Variants in ANXA5 observed in about 807,000 individuals in gnomAD.
ANXA5 encodes the protein annexin A5.
ANXA5 carries 40 observed loss-of-function variants against 48.1 expected under a neutral mutation model. That is an observed-to-expected ratio of 0.83 (90% confidence interval 0.65 to 1.08). ANXA5 has a LOEUF of 1.08. Among genes scored for constraint, ANXA5 ranks in the 50% least tolerant of loss-of-function variants. ANXA5 has a pLI of 0.00. For synonymous variants in ANXA5, 113 were observed against 129.1 expected (o/e 0.88, Z 0.85); for missense variants, 357 against 376.8 (o/e 0.95, Z 0.44).
intron 5 of ANXA5, among the ~76,000 whole-genome samples, chr4:121,682,056 A>G (rs1724802706): frequency 6.6e-6 from 1 of 152,120 alleles, no homozygotes; most frequent in African/African-American, 2.4e-5. Context: ...TTTTAATTTG[A>G]TCAGTTAATT....
At chr4:121,695,919 AAAAAAC>A (rs1725072059) in intron 2 of ANXA5, among the ~76,000 whole-genome samples, 2 of 151,980 alleles carry the variant, frequency 1.3e-5, no homozygotes, top group Non-Finnish European at 2.9e-5. Context: ...AAGGAAAAAA[AAAAAAC>A]AGTAAAGAAA....
At chr4:121,681,584 C>A in intron 6 of ANXA5, 87 bp downstream of exon 6, 1 of 813,746 alleles carries the variant, frequency 1.2e-6, no homozygotes. Context: ...GCGTGCCTCC[C>A]ATACCTACAA....
At chr4:121,689,786 C>T (rs1221125219) in intron 2 of ANXA5, among the ~76,000 whole-genome samples, 2 of 152,074 alleles carry the variant, frequency 1.3e-5, no homozygotes, top group African/African-American at 2.4e-5. Flanking sequence ...AAGATGGAAC[C>T]GACTGTGCAA....
At position 121,668,492 on chromosome 4, in the gene ANXA5, C is replaced by T. The variant is rs367554057; in HGVS notation, c.939G>A (p.Leu313=). The change falls in exon 13 of 13, where the codon CTG becomes CTA. Residue 313 remains leucine (L), a synonymous_variant. Transcript: ENST00000296511. ...DTSGDYKKAL[L]LLCGEDD is the part of the protein sequence containing the mutation. ...GTTAGTCATCTTCTCCACAGAGCAG[C>T]AGAAGAGCTTTCTTATAGTCCCCAG... 3.1e-5 allele frequency: 50 copies of T among 1,613,542 alleles called. No homozygotes were observed. In the African/African-American group the frequency reaches 4.8e-4, roughly 15 times the overall value.
intron 2 of ANXA5, among the ~76,000 whole-genome samples, chr4:121,694,455 G>A (rs772453071): frequency 1.3e-5 from 2 of 152,202 alleles, no homozygotes; most frequent in Non-Finnish European, 2.9e-5. Context: ...CGCGATCTCA[G>A]CTCACTGCAA....
intron 2 of ANXA5, among the ~76,000 whole-genome samples, chr4:121,691,777 T>TC (rs1231716558): frequency 1.3e-5 from 2 of 152,216 alleles, no homozygotes; most frequent in African/African-American, 4.8e-5. Flanking sequence ...AGAGGCCCGT[T>TC]AATATTTCCT....
chr4:121,669,576 C>A (rs148456064), intron 12 of ANXA5, 26 bp downstream of exon 12: 1 of 1,612,200 alleles, frequency 6.2e-7, no homozygotes, highest in East Asian at 2.2e-5. Flanking sequence ...GATTCCCAAA[C>A]GTAATTTAAA....
chr4:121,679,356 T>C (rs916471965), intron 6 of ANXA5, among the ~76,000 whole-genome samples: 4 of 152,118 alleles, frequency 2.6e-5, no homozygotes, highest in Non-Finnish European at 5.9e-5. Context: ...CACCTCTCAC[T>C]CACCTAGGTT....
At position 121,668,362 on chromosome 4, in the gene ANXA5, A is replaced by C; in HGVS notation, c.*106T>G. ...TGTTGGTCATGAGCATGCTAGTATGAATAAGGCAATGTGTTAAGCACTGGC... is the reference window on the plus strand; with the variant it reads ...TGTTGGTCATGAGCATGCTAGTATGCATAAGGCAATGTGTTAAGCACTGGC... On this transcript the variant is annotated 3_prime_UTR_variant, in exon 13 of 13. Transcript: ENST00000296511. 3.1e-6 allele frequency: 3 copies of C among 955,450 alleles called. No homozygotes were observed. The highest frequency in any genetic ancestry group is 5.1e-6 in the Non-Finnish European group (3 of 590,756). 59.2% of individuals were successfully genotyped at this position (955,450 alleles called of 1,614,324 possible). A position where few individuals can be genotyped will look rare whatever the true frequency, so the allele number is the denominator to read the frequency against.
chr4:121,677,898 G>A lies in ANXA5; in HGVS notation c.527C>T (p.Ala176Val), dbSNP rs148151462. ...GIDEAQVEQD[A>V]QALFQAGELK... The stretch of plus-strand genomic sequence containing the variant: ...TCATATCCTGGTGTCACTCACCTGA[G>A]CATCTTGTTCAACTTGAGCTTCATC... Residue 176 changes from alanine to valine, a missense_variant, in exon 8 of 13, where the codon GCT becomes GTT. Transcript: ENST00000296511. The A allele has an allele frequency of 2.0e-4, 328 of 1,612,948 alleles. No homozygotes were observed. The highest frequency in any genetic ancestry group is 2.7e-4 in the Non-Finnish European group (322 of 1,179,158).
intron 2 of ANXA5, among the ~76,000 whole-genome samples, chr4:121,693,127 C>T (rs6534311): frequency 0.44 from 66,539 of 151,878 alleles, 16,112 homozygotes; most frequent in East Asian, 0.73. Context: ...CCAGCTACTC[C>T]GGAGGCTGAG....
intron 3 of ANXA5, among the ~76,000 whole-genome samples, chr4:121,685,627 T>C (rs543197332): frequency 1.3e-5 from 2 of 152,238 alleles, no homozygotes; most frequent in South Asian, 4.2e-4. Context: ...AGAAAGCACA[T>C]GAACAGTAGT....
At chr4:121,675,985 C>T (rs1724692136) in intron 8 of ANXA5, among the ~76,000 whole-genome samples, 1 of 152,204 alleles carries the variant, frequency 6.6e-6, no homozygotes, top group African/African-American at 2.4e-5. Context: ...GGGAAATCTG[C>T]CCTCTGCCTG....
At chr4:121,678,775 T>C (rs1405631807) in intron 6 of ANXA5, among the ~76,000 whole-genome samples, 1 of 152,192 alleles carries the variant, frequency 6.6e-6, no homozygotes, top group African/African-American at 2.4e-5. Context: ...TATAGATACA[T>C]GATGGTACTG....
intron 8 of ANXA5, among the ~76,000 whole-genome samples, chr4:121,675,137 T>C (rs1409005619): frequency 6.6e-6 from 1 of 152,174 alleles, no homozygotes; most frequent in African/African-American, 2.4e-5. Context: ...AAAACAAGGA[T>C]TTACTGGGGA....
At chr4:121,679,805 T>C (rs1724758876) in intron 6 of ANXA5, among the ~76,000 whole-genome samples, 1 of 152,208 alleles carries the variant, frequency 6.6e-6, no homozygotes. Flanking sequence ...GATGTTTTCA[T>C]ATATGTGTAC....
rs1292792184 is a variant in ANXA5, at chr4:121,680,253, CTGTG to C, written c.394+1414_394+1417del. Reference sequence around the variant, plus strand: ...CCCTCTTTAAGACTGAACAGTACTCCTGTGTGTGTGTGTCTGTGTTTGTGTGTGT... The same window carrying C: ...CCCTCTTTAAGACTGAACAGTACTCCTGTGTGTGTCTGTGTTTGTGTGTGT... On this transcript the variant is annotated intron_variant, in intron 6 of 12. Transcript: ENST00000296511. 2.6e-5 allele frequency among the ~76,000 whole-genome samples: 4 copies of C among 151,832 alleles called. No individual in the cohort carries two copies. The East Asian group carries it at 7.7e-4, about 29-fold the overall frequency.
At chr4:121,695,373 T>G (rs1194480998) in intron 2 of ANXA5, among the ~76,000 whole-genome samples, 1 of 152,204 alleles carries the variant, frequency 6.6e-6, no homozygotes, top group African/African-American at 2.4e-5. Flanking sequence ...CAAGAAACCT[T>G]TTTCAATTTT....
chr4:121,687,390 G>A (rs1015379652), intron 2 of ANXA5, among the ~76,000 whole-genome samples: 5 of 151,462 alleles, frequency 3.3e-5, no homozygotes, highest in African/African-American at 9.7e-5. Context: ...TTTATCTTAC[G>A]CTAAATGGAG....
Sources: gnomAD v4.1 joint callset for allele counts (sites outside exome capture counted in the v4.1 genomes callset) on GRCh38, gnomAD v4.1.1 for gene constraint, MANE v1.5 for transcripts, NCBI Gene and HGNC (gene_info 2026-07-23, HGNC 2026-07-21) for gene names.